Variants in XYLT1 observed in about 807,000 individuals in gnomAD.
XYLT1 encodes beta-D-xylosyltransferase 1.
XYLT1 carries 36 observed loss-of-function variants against 91.3 expected under a neutral mutation model. That is an observed-to-expected ratio of 0.39 (90% CI 0.30 to 0.52). XYLT1 has a LOEUF of 0.52. Among genes scored for constraint, XYLT1 ranks in the 20% least tolerant of loss-of-function variants. The pLI, the probability that XYLT1 is intolerant of heterozygous loss-of-function variation, is 0.68. For synonymous variants in XYLT1, 588 were observed against 532.0 expected, an observed-to-expected ratio of 1.11 and a Z score of -1.45; for missense variants, 1,242 against 1,284.5, an observed-to-expected ratio of 0.97 and a Z score of 0.51.
chr16:17,445,483 G>C lies in XYLT1; in HGVS notation c.363+24951C>G, dbSNP rs551154321. On this transcript the variant is annotated intron_variant, in intron 1 of 11. Coordinates refer to ENST00000261381, the MANE Select transcript of XYLT1 (RefSeq NM_022166.4). Reference sequence around the variant, plus strand: ...CCTCTCTCAAGAAGTCACCAGAAAGGAAGGCTGGGAGCCCTTCCTGGCAGC... The same window carrying C: ...CCTCTCTCAAGAAGTCACCAGAAAGCAAGGCTGGGAGCCCTTCCTGGCAGC... Among the ~76,000 whole-genome samples the C allele has an allele frequency of 5.9e-5, 9 of 152,352 alleles. No homozygotes were observed. In the South Asian group the frequency reaches 1.2e-3, roughly 21 times the overall value.
chr16:17,268,829 T>C (rs960905844), intron 2 of XYLT1, among the ~76,000 whole-genome samples: 3 of 152,100 alleles, frequency 2.0e-5, no homozygotes, highest in Non-Finnish European at 4.4e-5. Flanking sequence ...CCCGCCACCA[T>C]GCCCGACTAA....
At chr16:17,422,587 G>C (rs1456321644) in intron 1 of XYLT1, among the ~76,000 whole-genome samples, 1 of 152,078 alleles carries the variant, frequency 6.6e-6, no homozygotes, top group African/African-American at 2.4e-5. Flanking sequence ...TTGGCTCACT[G>C]CAGCCTCCGC....
chr16:17,205,410 G>T (rs1251062336), intron 3 of XYLT1, among the ~76,000 whole-genome samples: 1 of 152,238 alleles, frequency 6.6e-6, no homozygotes, highest in Non-Finnish European at 1.5e-5. Flanking sequence ...AGGTGCAGGG[G>T]TTTAGAACAT....
At chr16:17,140,274 G>A (rs1161005121) in intron 7 of XYLT1, among the ~76,000 whole-genome samples, 2 of 152,248 alleles carry the variant, frequency 1.3e-5, no homozygotes, top group African/African-American at 4.8e-5. Flanking sequence ...TTTTCTTCAG[G>A]GAATAATAGA....
At chr16:17,354,310 C>A (rs2035263576) in intron 2 of XYLT1, among the ~76,000 whole-genome samples, 1 of 152,122 alleles carries the variant, frequency 6.6e-6, no homozygotes, top group South Asian at 2.1e-4. Flanking sequence ...CTGCTGATGC[C>A]AACAGATGCA....
chr16:17,434,006 C>A (rs2036422479), intron 1 of XYLT1, among the ~76,000 whole-genome samples: 1 of 152,118 alleles, frequency 6.6e-6, no homozygotes, highest in Non-Finnish European at 1.5e-5. Flanking sequence ...TTTCATTTGG[C>A]AGATTGAATT....
chr16:17,111,373 T>C (rs905403601), intron 11 of XYLT1, among the ~76,000 whole-genome samples: 1 of 152,198 alleles, frequency 6.6e-6, no homozygotes, highest in Non-Finnish European at 1.5e-5. Flanking sequence ...ATTGCTTGTT[T>C]TATTGCTCAG....
Position 17,116,704 on chromosome 16 carries a change from C to T in XYLT1, c.2557+942G>A, listed in dbSNP as rs142016630. Among the ~76,000 whole-genome samples, 101 of 152,310 alleles carry T rather than the reference C, an allele frequency of 6.6e-4. 3 individuals are homozygous for T. In the East Asian group the frequency reaches 0.019, roughly 29 times the overall value. Reference sequence around the variant, plus strand: ...TGTGGTAGGGTGTGTGTATGTTCAGCTTTACTAGGAGATACTAAAACATTT... The same window carrying T: ...TGTGGTAGGGTGTGTGTATGTTCAGTTTTACTAGGAGATACTAAAACATTT... On this transcript the variant is annotated intron_variant, in intron 11 of 11. Coordinates refer to ENST00000261381, the MANE Select transcript of XYLT1 (RefSeq NM_022166.4).
intron 5 of XYLT1, among the ~76,000 whole-genome samples, chr16:17,167,906 C>T (rs147081982): frequency 1.4e-3 from 216 of 152,312 alleles, no homozygotes; most frequent in African/African-American, 4.9e-3. Context: ...TCTTTCCCCA[C>T]GGCTTATCTG....
chr16:17,397,553 C>T (rs1423187286), intron 1 of XYLT1, among the ~76,000 whole-genome samples: 2 of 152,118 alleles, frequency 1.3e-5, no homozygotes, highest in Non-Finnish European at 2.9e-5. Flanking sequence ...TCATTCCCCC[C>T]TTTACTCTAT....
chr16:17,402,743 C>T (rs991746261), intron 1 of XYLT1, among the ~76,000 whole-genome samples: 9 of 136,308 alleles, frequency 6.6e-5, no homozygotes, highest in South Asian at 2.4e-4. Flanking sequence ...TTTTTCTTTT[C>T]TTTTTTTTTT....
chr16:17,140,379 G>A (rs927591494), intron 7 of XYLT1, among the ~76,000 whole-genome samples: 9 of 152,052 alleles, frequency 5.9e-5, no homozygotes, highest in African/African-American at 1.7e-4. Flanking sequence ...TTGATGTGGC[G>A]GCCGGGCATG....
intron 5 of XYLT1, among the ~76,000 whole-genome samples, chr16:17,170,681 T>A (rs1316343322): frequency 6.6e-6 from 1 of 152,210 alleles, no homozygotes; most frequent in Non-Finnish European, 1.5e-5. Flanking sequence ...TTTCTCTTTG[T>A]GCTTATGGCT....
chr16:17,216,179 G>T (rs968521856), intron 3 of XYLT1, among the ~76,000 whole-genome samples: 1 of 152,046 alleles, frequency 6.6e-6, no homozygotes, highest in South Asian at 2.1e-4. Flanking sequence ...CTCTGCCCTC[G>T]TTTCTCCTCT....
intron 1 of XYLT1, among the ~76,000 whole-genome samples, chr16:17,406,084 C>T (rs2036029760): frequency 6.6e-6 from 1 of 152,130 alleles, no homozygotes; most frequent in Non-Finnish European, 1.5e-5. Flanking sequence ...ATTTGGAAGG[C>T]TGAGGCAGGA....
intron 5 of XYLT1, among the ~76,000 whole-genome samples, chr16:17,171,396 G>C (rs1047448116): frequency 6.6e-6 from 1 of 152,134 alleles, no homozygotes; most frequent in East Asian, 1.9e-4. Flanking sequence ...ATTGGAACAA[G>C]GTCAAAATGC....
At chr16:17,385,310 A>ACACC (rs1567403883) in intron 1 of XYLT1, among the ~76,000 whole-genome samples, 7 of 146,582 alleles carry the variant, frequency 4.8e-5, no homozygotes, top group Admixed American at 2.1e-4. Flanking sequence ...ACACACACAC[A>ACACC]CCTATGTACT....
At chr16:17,329,050 TCAGA>T (rs1420470296) in intron 2 of XYLT1, among the ~76,000 whole-genome samples, 1 of 152,100 alleles carries the variant, frequency 6.6e-6, no homozygotes, top group Non-Finnish European at 1.5e-5. Flanking sequence ...CAGTAAAGGG[TCAGA>T]CAGTTAAGAT....
chr16:17,133,694 A>AGT (rs1357189392), intron 9 of XYLT1, among the ~76,000 whole-genome samples: 2 of 152,236 alleles, frequency 1.3e-5, no homozygotes, highest in African/African-American at 4.8e-5. Flanking sequence ...AAGGGTACAC[A>AGT]ACGTGAAAGT....
Sources: gnomAD v4.1 joint callset for allele counts (sites outside exome capture counted in the v4.1 genomes callset) on GRCh38, gnomAD v4.1.1 for gene constraint, MANE v1.5 for transcripts, NCBI Gene and HGNC (gene_info 2026-07-23, HGNC 2026-07-21) for gene names.